The following MBD3 variants were observed in gnomAD, a reference collection of about 807,000 sequenced individuals.
MBD3 encodes methyl-CpG binding domain protein 3, also known as methyl-CpG-binding domain protein 3.
MBD3 carries 13 observed loss-of-function variants against 31.2 expected under a neutral mutation model. That is an observed-to-expected ratio of 0.42 (90% CI 0.27 to 0.66). The LOEUF is 0.66. Among genes scored for constraint, MBD3 ranks in the 30% least tolerant of loss-of-function variants. The pLI is 0.26. For missense variants in MBD3, 440 were observed against 426.5 expected (o/e 1.03, Z -0.28); for synonymous variants, 223 against 187.4 (o/e 1.19, Z -1.55).
chr19:1,587,090 C>T (rs530914749), intron 1 of MBD3, among the ~76,000 whole-genome samples: 6 of 151,518 alleles, frequency 4.0e-5, no homozygotes, highest in East Asian at 2.0e-4. Context: ...CTCAGCCTCC[C>T]GAGTAGCTGG....
At position 1,585,237 on chromosome 19, in the gene MBD3, G is replaced by T. The variant is rs1163611523; in HGVS notation, c.111-23C>A. The T allele has an allele frequency of 2.6e-6, 4 of 1,555,506 alleles. No homozygotes were observed. The highest frequency in any genetic ancestry group is 1.4e-5 in the African/African-American group (1 of 73,702). On this transcript the variant is annotated intron_variant, in intron 1 of 6. Coordinates refer to ENST00000434436, the MANE Select transcript of MBD3 (RefSeq NM_001281453.2). This position sits in a 1 kb window ranked among gnomAD's most constrained non-coding sequence, Gnocchi z 4.1. ...GGGCTGCGGGGAGGCGGGACGGTCGGCGCCCCGGGCGGACCCCAGACCCCA... is the reference window on the plus strand; with the variant it reads ...GGGCTGCGGGGAGGCGGGACGGTCGTCGCCCCGGGCGGACCCCAGACCCCA...
In MBD3 at chr19:1,592,560, C is replaced by T. The variant is rs761260059; in HGVS notation, c.72G>A (p.Ser24=). ...CATCCCTGTGGCCGGCCGACAGCCC[C>T]GACCTTCTGGGCACTTCTTCCCTCT... ...GWEREEVPRR[S]GLSAGHRDVF... The change falls in exon 1 of 7, where the codon TCG becomes TCA. Residue 24 remains serine, a synonymous_variant. Coordinates refer to ENST00000434436, the MANE Select transcript of MBD3 (RefSeq NM_001281453.2). 3 of 1,445,218 alleles carry T rather than the reference C, an allele frequency of 2.1e-6. No homozygotes were observed. Among genetic ancestry groups the T allele is most frequent in the Non-Finnish European group, 2.8e-6 (3 of 1,077,222 alleles). The allele number at this position is 1,445,218 out of a possible 1,614,324, so 89.5% of individuals were successfully genotyped here. A position where few individuals can be genotyped will look rare whatever the true frequency, so the allele number is the denominator to read the frequency against.
intron 3 of MBD3, 28 bp downstream of exon 3, chr19:1,584,512 G>C (rs747296467): frequency 6.2e-7 from 1 of 1,611,174 alleles, no homozygotes; most frequent in Non-Finnish European, 8.5e-7. Context: ...CGGCCGGGAA[G>C]GCTGGGGTCG....
chr19:1,591,646 G>C (rs1439560159), intron 1 of MBD3, among the ~76,000 whole-genome samples: 1 of 152,120 alleles, frequency 6.6e-6, no homozygotes, highest in Non-Finnish European at 1.5e-5. Context: ...TGAACCAAGG[G>C]GAGGGCGCAA....
chr19:1,586,640 C>G (rs561208874), intron 1 of MBD3, among the ~76,000 whole-genome samples: 1 of 150,088 alleles, frequency 6.7e-6, no homozygotes, highest in African/African-American at 2.4e-5. Context: ...TCCCAAGTAG[C>G]TAGGACGACA....
At chr19:1,582,828 G>A (rs2060659619) in intron 3 of MBD3, 116 bp from the exon 4 acceptor site, 3 of 838,378 alleles carry the variant, frequency 3.6e-6, no homozygotes, top group Non-Finnish European at 6.0e-6. Flanking sequence ...GGTCCCAATG[G>A]GGCATCTCCC....
chr19:1,585,041 A>G lies in MBD3; in HGVS notation c.270+14T>C. 1 of 1,610,438 alleles carries G rather than the reference A, an allele frequency of 6.2e-7. No individual in the cohort carries two copies. The highest frequency in any genetic ancestry group is 1.1e-5 in the South Asian group (1 of 91,058). On this transcript the variant is annotated intron_variant, in intron 2 of 6. Coordinates refer to ENST00000434436, the MANE Select transcript of MBD3 (RefSeq NM_001281453.2). This position sits in a 1 kb window ranked among gnomAD's most constrained non-coding sequence, Gnocchi z 4.1. The stretch of plus-strand genomic sequence containing the variant: ...GCCCCGCGCCGACGTCACCTGCGTG[A>G]CGCCACCACTCACCTTGACCTGGTT...
Position 1,581,294 on chromosome 19 carries a change from G to T in MBD3, c.500-25C>A, listed in dbSNP as rs201517128. 3.8e-6 allele frequency: 6 copies of T among 1,599,500 alleles called. No individual in the cohort carries two copies. In the African/African-American group the frequency reaches 8.0e-5, roughly 21 times the overall value. ...CCTGCCAGGCAGTGGACAAACAGCC[G>T]CAAGTGGAGAGGTCACCACGGGGCA... is the stretch of plus-strand genomic sequence containing the variant. On this transcript the variant is annotated intron_variant, in intron 4 of 6. Coordinates refer to ENST00000434436, the MANE Select transcript of MBD3 (RefSeq NM_001281453.2).
intron 5 of MBD3, among the ~76,000 whole-genome samples, chr19:1,580,186 A>G (rs1249377172): frequency 6.6e-6 from 1 of 151,774 alleles, no homozygotes; most frequent in African/African-American, 2.4e-5. Flanking sequence ...GAGCGCGCAG[A>G]GAGTGTAAAT....
rs550982220 is a variant in MBD3, at chr19:1,585,268, A to C, written c.111-54T>G. The C allele has an allele frequency of 1.0e-3, 1,592 of 1,528,692 alleles. 6 individuals carry two copies. The highest frequency in any genetic ancestry group is 3.8e-3 in the Middle Eastern group (18 of 4,732). The allele number at this position is 1,528,692 out of a possible 1,614,324, so 94.7% of individuals were successfully genotyped here. On this transcript the variant is annotated intron_variant, in intron 1 of 6. Transcript: ENST00000434436. This position sits in a 1 kb window ranked among gnomAD's most constrained non-coding sequence, Gnocchi z 4.1. ...CGGGCGGACCCCAGACCCCAAACCC[A>C]GGCCTCGGCCGCAGACCCAAACCCA...
At chr19:1,583,736 C>T (rs1345169561) in intron 3 of MBD3, among the ~76,000 whole-genome samples, 3 of 152,228 alleles carry the variant, frequency 2.0e-5, no homozygotes, top group East Asian at 3.9e-4. Flanking sequence ...ACACAAGGAA[C>T]GTCACAAGCA....
chr19:1,581,048 C>T (rs1365266916), intron 5 of MBD3, 44 bp downstream of exon 5: 2 of 1,612,740 alleles, frequency 1.2e-6, no homozygotes, highest in Admixed American at 1.7e-5. Context: ...CCCACGGCCA[C>T]AAGAGACAGG....
Position 1,577,945 on chromosome 19 carries a change from G to C in MBD3, c.*219C>G. The C allele has an allele frequency of 3.0e-6, 1 of 335,730 alleles. No homozygotes were observed. Among genetic ancestry groups the C allele is most frequent in the Non-Finnish European group, 5.7e-6 (1 of 176,260 alleles). 20.8% of individuals were successfully genotyped at this position (335,730 alleles called of 1,614,324 possible). ...ACTTCCCGAAGCCGGACTCTGTAGAGGACGAGCGTGGAGGGTCTTTCGGGT... is the reference window on the plus strand; with the variant it reads ...ACTTCCCGAAGCCGGACTCTGTAGACGACGAGCGTGGAGGGTCTTTCGGGT... On this transcript the variant is annotated 3_prime_UTR_variant, in exon 7 of 7. Coordinates refer to ENST00000434436, the MANE Select transcript of MBD3 (RefSeq NM_001281453.2).
intron 5 of MBD3, among the ~76,000 whole-genome samples, chr19:1,580,124 C>G (rs535216616): frequency 6.6e-6 from 1 of 152,200 alleles, no homozygotes; most frequent in East Asian, 1.9e-4. Flanking sequence ...TTGTTCTTTT[C>G]TTTTGTTGAC....
In MBD3 at chr19:1,578,751, C is replaced by G. The variant is rs967811016; in HGVS notation, c.678-213G>C. Reference sequence around the variant, plus strand: ...CCATCGCCAGCGTCCGCCACCCTCCCAGATGGCCCCCCTGCCACCTCTACT... The same window carrying G: ...CCATCGCCAGCGTCCGCCACCCTCCGAGATGGCCCCCCTGCCACCTCTACT... On this transcript the variant is annotated intron_variant, in intron 5 of 6. Coordinates refer to ENST00000434436, the MANE Select transcript of MBD3 (RefSeq NM_001281453.2). The surrounding 1 kb of genome is among the most constrained non-coding windows in gnomAD (Gnocchi z 6.1). Among the ~76,000 whole-genome samples, 1 of 152,182 alleles carries G rather than the reference C, an allele frequency of 6.6e-6. No homozygotes were observed. Among genetic ancestry groups the G allele is most frequent in the Non-Finnish European group, 1.5e-5 (1 of 68,012 alleles).
intron 4 of MBD3, among the ~76,000 whole-genome samples, chr19:1,582,203 A>C (rs2060655506): frequency 6.6e-6 from 1 of 151,852 alleles, no homozygotes; most frequent in Non-Finnish European, 1.5e-5. Flanking sequence ...TACCCAGCCG[A>C]CCCTGTCTCA....
chr19:1,589,504 T>G (rs969804744), intron 1 of MBD3, among the ~76,000 whole-genome samples: 3 of 150,662 alleles, frequency 2.0e-5, no homozygotes, highest in Non-Finnish European at 4.4e-5. Context: ...AATATAAAAA[T>G]TAGCTGGGGG....
intron 2 of MBD3, 36 bp from the exon 3 acceptor site, chr19:1,584,713 C>CGCCCCGGCGGCGCGGAGCCTCAGGGGGT: frequency 6.3e-7 from 1 of 1,599,184 alleles, no homozygotes. Context: ...GGCCTGGGGG[C>CGCCCCGGCGGCGCGGAGCCTCAGGGGGT]GCCCCGGCGG....
At position 1,582,665 on chromosome 19, in the gene MBD3, A is replaced by G. The variant is rs374676146; in HGVS notation, c.456T>C (p.Ala152=). Residue 152 remains alanine, a synonymous_variant, in exon 4 of 7, where the codon GCT becomes GCC. Coordinates refer to ENST00000434436, the MANE Select transcript of MBD3 (RefSeq NM_001281453.2). ...KLSGLNAFDI[A]EELVKTMDLP... is the part of the protein sequence containing the mutation. ...GGTCCATGGTCTTGACCAGCTCCTC[A>G]GCAATGTCGAAGGCGTTCAGGCCGC... 6.2e-7 allele frequency: 1 copy of G among 1,613,876 alleles called. No individual in the cohort carries two copies. Among genetic ancestry groups the G allele is most frequent in the African/African-American group, 1.3e-5 (1 of 74,912 alleles).
Sources: allele counts gnomAD v4.1 joint callset (sites outside exome capture counted in the v4.1 genomes callset), GRCh38; gene constraint gnomAD v4.1.1; non-coding constraint Gnocchi (gnomAD v3.1); transcripts MANE v1.5; gene names NCBI Gene and HGNC (gene_info 2026-07-23, HGNC 2026-07-21).